Variants in IMMP2L observed in about 807,000 individuals in gnomAD.
IMMP2L encodes mitochondrial inner membrane protease subunit 2.
In IMMP2L, 18 loss-of-function variants were observed where a neutral mutation model predicts 19.3. The observed-to-expected ratio is 0.93, with a 90% confidence interval of 0.64 to 1.38. The LOEUF (loss-of-function observed/expected upper bound fraction) is 1.38. Ranked by LOEUF, IMMP2L falls within the 40% of genes most tolerant of loss-of-function variation. The pLI is 0.00. For missense variants in IMMP2L, 233 were observed against 218.2 expected (o/e 1.07, Z -0.43); for synonymous variants, 76 against 73.0 (o/e 1.04, Z -0.21).
chr7:110,698,507 A>C (rs1402243417), intron 5 of IMMP2L, among the ~76,000 whole-genome samples: 1 of 152,104 alleles, frequency 6.6e-6, no homozygotes, highest in Non-Finnish European at 1.5e-5. Flanking sequence ...ATGAGAGAAT[A>C]CCCTCCCCTC....
intron 3 of IMMP2L, among the ~76,000 whole-genome samples, chr7:111,008,680 G>A (rs1824578407): frequency 6.6e-6 from 1 of 151,840 alleles, no homozygotes; most frequent in African/African-American, 2.4e-5. Flanking sequence ...CATGCTGACA[G>A]GAACCTTAGT....
rs368487206 is a variant in IMMP2L at position 111,469,929 on chromosome 7, C to G, written c.239+17309G>C. Reference sequence around the variant, plus strand: ...CAGCAAAAGAAACTACCATCAGAGTCAACAGGCAACCTACAAAATGGGAGA... The same window carrying G: ...CAGCAAAAGAAACTACCATCAGAGTGAACAGGCAACCTACAAAATGGGAGA... On this transcript the variant is annotated intron_variant, in intron 3 of 5. Transcript: ENST00000405709. 6.6e-3 allele frequency among the ~76,000 whole-genome samples: 997 copies of G among 151,998 alleles called. 9 individuals carry two copies. The highest frequency in any genetic ancestry group is 0.014 in the Middle Eastern group (4 of 294).
chr7:110,946,485 A>G (rs1817259850), intron 4 of IMMP2L, among the ~76,000 whole-genome samples: 1 of 152,152 alleles, frequency 6.6e-6, no homozygotes, highest in Non-Finnish European at 1.5e-5. Context: ...TACAAAACCA[A>G]CAGGTAAATG....
chr7:111,039,696 A>C (rs1360927210), intron 3 of IMMP2L, among the ~76,000 whole-genome samples: 1 of 152,164 alleles, frequency 6.6e-6, no homozygotes, highest in East Asian at 1.9e-4. Flanking sequence ...TTACTGCATT[A>C]ATCAAAAGTT....
intron 3 of IMMP2L, among the ~76,000 whole-genome samples, chr7:111,312,889 T>C (rs1199857654): frequency 6.6e-6 from 1 of 151,986 alleles, no homozygotes; most frequent in East Asian, 1.9e-4. Context: ...ATTTCCAGAA[T>C]AGGAAATTTA....
intron 3 of IMMP2L, among the ~76,000 whole-genome samples, chr7:111,025,852 A>G (rs906212761): frequency 6.6e-6 from 1 of 152,182 alleles, no homozygotes; most frequent in Non-Finnish European, 1.5e-5. Context: ...CTGTTTTAAC[A>G]TTGTTTCCTC....
chr7:110,741,690 C>T (rs907775494), intron 5 of IMMP2L, among the ~76,000 whole-genome samples: 6 of 152,188 alleles, frequency 3.9e-5, no homozygotes, highest in Admixed American at 2.6e-4. Flanking sequence ...TGAATTAAGA[C>T]AGTATGTAAC....
intron 3 of IMMP2L, among the ~76,000 whole-genome samples, chr7:111,170,887 A>AC (rs1189107271): frequency 3.2e-5 from 1 of 30,970 alleles, no homozygotes; most frequent in Non-Finnish European, 1.8e-4. Context: ...GTAATTTTCA[A>AC]CCTTATTCTC....
intron 3 of IMMP2L, among the ~76,000 whole-genome samples, chr7:111,202,655 A>G (rs1356453366): frequency 1.3e-5 from 2 of 152,220 alleles, no homozygotes; most frequent in East Asian, 1.9e-4. Context: ...TATAACATCA[A>G]AGGAAAATAT....
intron 5 of IMMP2L, among the ~76,000 whole-genome samples, chr7:110,836,200 G>A (rs776707058): frequency 4.6e-5 from 7 of 152,092 alleles, no homozygotes; most frequent in South Asian, 2.1e-4. Context: ...CTGTATTCCC[G>A]CTGTTCTATC....
intron 3 of IMMP2L, among the ~76,000 whole-genome samples, chr7:111,292,238 T>C (rs1056140636): frequency 6.6e-6 from 1 of 152,170 alleles, no homozygotes; most frequent in African/African-American, 2.4e-5. Context: ...CTTTAGACTT[T>C]CATCACATAG....
At chr7:110,980,380 C>G (rs959006293) in intron 3 of IMMP2L, among the ~76,000 whole-genome samples, 4 of 151,942 alleles carry the variant, frequency 2.6e-5, no homozygotes, top group African/African-American at 9.7e-5. Flanking sequence ...AGGCGCCCAC[C>G]ACCACGCCTG....
At chr7:110,963,121 T>C in intron 4 of IMMP2L, 1 of 1,495,100 alleles carries the variant, frequency 6.7e-7, no homozygotes, top group Admixed American at 2.3e-5. Flanking sequence ...TCTTAGTTTC[T>C]GCATTTGCTT....
chr7:111,272,556 C>A (rs576967262), intron 3 of IMMP2L, among the ~76,000 whole-genome samples: 3 of 152,184 alleles, frequency 2.0e-5, no homozygotes, highest in Admixed American at 6.5e-5. Flanking sequence ...AAGGCCTGTA[C>A]AGTGCTTCAC....
At position 111,488,625 on chromosome 7, in the gene IMMP2L, C is replaced by T. The variant is rs572784699; in HGVS notation, c.136-1284G>A. ...CATATTTTTGCAACTGTAAATTGTG[C>T]TGCTATAAACGTGCGTGCAAGTACA... is the stretch of plus-strand genomic sequence containing the variant. On this transcript the variant is annotated intron_variant, in intron 2 of 5. Transcript: ENST00000405709. Among the ~76,000 whole-genome samples, 10 of 152,214 alleles carry T rather than the reference C, an allele frequency of 6.6e-5. No homozygotes were observed. The East Asian group carries it at 1.2e-3, about 18-fold the overall frequency.
At chr7:111,219,508 A>C (rs1382209293) in intron 3 of IMMP2L, among the ~76,000 whole-genome samples, 1 of 152,052 alleles carries the variant, frequency 6.6e-6, no homozygotes. Flanking sequence ...GCTAAACATA[A>C]AAATTAGCTC....
At chr7:110,950,599 G>A (rs898605720) in intron 4 of IMMP2L, among the ~76,000 whole-genome samples, 4 of 151,428 alleles carry the variant, frequency 2.6e-5, no homozygotes, top group Non-Finnish European at 5.9e-5. Flanking sequence ...AAATTAAAAT[G>A]AGAATATCAA....
intron 3 of IMMP2L, among the ~76,000 whole-genome samples, chr7:111,342,287 A>G (rs1468310385): frequency 6.6e-6 from 1 of 152,000 alleles, no homozygotes; most frequent in East Asian, 1.9e-4. Context: ...TTTTGCATAT[A>G]TACAAAATAC....
chr7:111,237,664 T>C (rs1317740466), intron 3 of IMMP2L, among the ~76,000 whole-genome samples: 1 of 151,918 alleles, frequency 6.6e-6, no homozygotes, highest in African/African-American at 2.4e-5. Flanking sequence ...AAATTACACC[T>C]TATAAATGTA....
Sources: allele counts gnomAD v4.1 joint callset (sites outside exome capture counted in the v4.1 genomes callset), GRCh38; gene constraint gnomAD v4.1.1; transcripts MANE v1.5; gene names NCBI Gene and HGNC (gene_info 2026-07-23, HGNC 2026-07-21).